Variants in TBC1D3B observed in about 807,000 individuals in gnomAD.
TBC1D3B encodes Rab GTPase-activating protein PRC17 duplicate.
A neutral mutation model predicts 27.1 loss-of-function variants in TBC1D3B; 2 were observed. The ratio of observed to expected loss-of-function variants is 0.07; its 90% CI spans 0.03 to 0.23. The LOEUF (loss-of-function observed/expected upper bound fraction) is 0.23. TBC1D3B is among the 10% of genes least tolerant of loss of function. The pLI, the probability that TBC1D3B is intolerant of heterozygous loss-of-function variation, is 1.00. For missense variants in TBC1D3B, 17 were observed against 401.3 expected, an observed-to-expected ratio of 0.04 and a Z score of 8.18; for synonymous variants, 3 against 150.1, an observed-to-expected ratio of 0.02 and a Z score of 7.16.
chr17:36,166,765 C>T (rs1476220690), intron 13 of TBC1D3B, among the ~76,000 whole-genome samples: 1 of 24,986 alleles, frequency 4.0e-5, no homozygotes, highest in African/African-American at 8.3e-5. Context: ...CGTGGCATGG[C>T]GGGTGGCTCC....
rs1415591995 is a variant in TBC1D3B, at chr17:36,165,816, G to T, written c.*179C>A. The T allele has an allele frequency of 2.0e-5, 19 of 961,412 alleles. No individual in the cohort carries two copies. The African/African-American group carries it at 2.7e-4, about 14-fold the overall frequency. 59.6% of individuals were successfully genotyped at this position (961,412 alleles called of 1,614,324 possible). A position where few individuals can be genotyped will look rare whatever the true frequency, so the allele number is the denominator to read the frequency against. ...GGGCTTGGGGTGCTGGGAGGGGCTG[G>T]GCATGGTTGGCTTTGTGATCTGGGG... On this transcript the variant is annotated 3_prime_UTR_variant, in exon 14 of 14. Coordinates refer to ENST00000611257, the MANE Select transcript of TBC1D3B (RefSeq NM_001001417.7).
intron 9 of TBC1D3B, among the ~76,000 whole-genome samples, chr17:36,169,486 C>T (rs1487797993): frequency 2.0e-5 from 3 of 150,082 alleles, no homozygotes; most frequent in African/African-American, 7.2e-5. Flanking sequence ...GTAGTGGGGT[C>T]GGGCCAGGGG....
At chr17:36,167,896 G>GC (rs2068285008) in intron 12 of TBC1D3B, among the ~76,000 whole-genome samples, 171 bp downstream of exon 12, 1 of 99,780 alleles carries the variant, frequency 1.0e-5, no homozygotes, top group South Asian at 3.2e-4. Flanking sequence ...TTTCATCTGG[G>GC]TCATGTGAGG....
chr17:36,165,861 G>T lies in TBC1D3B; in HGVS notation c.*134C>A. 2.1e-6 allele frequency: 2 copies of T among 953,912 alleles called. 1 individual carries two copies. The highest frequency in any genetic ancestry group is 3.2e-6 in the Non-Finnish European group (2 of 633,624). The allele number at this position is 953,912 out of a possible 1,614,324, so 59.1% of individuals were successfully genotyped here. ...CTGGGGTCTGGTGTGTTCCATCTCT[G>T]AATGTCTCTCAAGCTGCACTCTTTC... On this transcript the variant is annotated 3_prime_UTR_variant, in exon 14 of 14. Coordinates refer to ENST00000611257, the MANE Select transcript of TBC1D3B (RefSeq NM_001001417.7).
At chr17:36,168,322 G>A (rs1188233721) in intron 11 of TBC1D3B, among the ~76,000 whole-genome samples, 156 bp from the exon 12 acceptor site, 9 of 53,088 alleles carry the variant, frequency 1.7e-4, no homozygotes, top group African/African-American at 5.6e-4. Context: ...AGGTCTTGAA[G>A]CTCCTCATGG....
rs199813138 is a variant in TBC1D3B at position 36,165,796 on chromosome 17, T to G, written c.*199A>C. The G allele has an allele frequency of 0.21, 158,225 of 759,114 alleles. 35,016 individuals carry two copies. Among genetic ancestry groups the G allele is most frequent in the East Asian group, 0.25 (10,005 of 39,950 alleles). The allele number at this position is 759,114 out of a possible 1,614,324, so 47.0% of individuals were successfully genotyped here. On this transcript the variant is annotated 3_prime_UTR_variant, in exon 14 of 14. Transcript: ENST00000611257. ...AATTCAGAACGATGGTCGTGGGGCT[T>G]GGGGTGCTGGGAGGGGCTGGGCATG...
At chr17:36,171,507 T>C (rs1230715274) in intron 7 of TBC1D3B, among the ~76,000 whole-genome samples, 2 of 151,366 alleles carry the variant, frequency 1.3e-5, no homozygotes, top group Non-Finnish European at 3.0e-5. Flanking sequence ...GTGCTGTCAC[T>C]GTTGCCTGGG....
intron 7 of TBC1D3B, among the ~76,000 whole-genome samples, chr17:36,171,450 C>T (rs1024651833): frequency 2.6e-5 from 4 of 151,100 alleles, no homozygotes; most frequent in African/African-American, 4.8e-5. Flanking sequence ...ATGTTCCCAG[C>T]GGACCTGGAT....
Position 36,165,788 on chromosome 17 carries a change from G to A in TBC1D3B, c.*207C>T, listed in dbSNP as rs1449795053. 29 of 928,600 alleles carry A rather than the reference G, an allele frequency of 3.1e-5. No homozygotes were observed. Among genetic ancestry groups the A allele is most frequent in the African/African-American group, 1.1e-4 (8 of 70,012 alleles). 57.5% of individuals were successfully genotyped at this position (928,600 alleles called of 1,614,324 possible). On this transcript the variant is annotated 3_prime_UTR_variant, in exon 14 of 14. Transcript: ENST00000611257. ...GTCGTCAGAATTCAGAACGATGGTCGTGGGGCTTGGGGTGCTGGGAGGGGC... is the reference window on the plus strand; with the variant it reads ...GTCGTCAGAATTCAGAACGATGGTCATGGGGCTTGGGGTGCTGGGAGGGGC...
chr17:36,174,762 T>C lies in TBC1D3B; in HGVS notation c.127A>G (p.Asn43Asp). 2.8e-6 allele frequency: 1 copy of C among 353,936 alleles called. No homozygotes were observed. The highest frequency in any genetic ancestry group is 3.8e-5 in the East Asian group (1 of 26,584). The allele number at this position is 353,936 out of a possible 1,614,324, so 21.9% of individuals were successfully genotyped here. Reference protein sequence around the residue: ...DKGPKPFRSYNNNVDHLGIVH... With the variant: ...DKGPKPFRSYDNNVDHLGIVH... ...ATCCCCAAATGATCGACGTTGTTGT[T>C]GTAGCTTCGAAAAGGCTTAGGCCCC... is the stretch of plus-strand genomic sequence containing the variant. The change falls in exon 3 of 14, where the codon AAC (asparagine) becomes GAC (aspartate). Residue 43 changes from asparagine to aspartate, a missense_variant. Asn to Asp is a conservative substitution (Grantham distance 23, BLOSUM62 1). Transcript: ENST00000611257.
In TBC1D3B at chr17:36,168,502, T is replaced by C; in HGVS notation, c.828+128A>G. On this transcript the variant is annotated intron_variant, in intron 11 of 13. Coordinates refer to ENST00000611257, the MANE Select transcript of TBC1D3B (RefSeq NM_001001417.7). ...CTCCTCTTGGGCAGAGGGTTTTGCT[T>C]GTGTGTCCTTTGGGGACCCGCCTGA... The C allele has an allele frequency of 5.1e-6, 2 of 393,200 alleles. 1 individual carries two copies. Among genetic ancestry groups the C allele is most frequent in the Non-Finnish European group, 9.7e-6 (2 of 207,022 alleles). 24.4% of individuals were successfully genotyped at this position (393,200 alleles called of 1,614,324 possible). A position where few individuals can be genotyped will look rare whatever the true frequency, so the allele number is the denominator to read the frequency against.
intron 11 of TBC1D3B, among the ~76,000 whole-genome samples, 153 bp downstream of exon 11, chr17:36,168,477 C>T (rs1466121692): frequency 1.7e-5 from 1 of 59,652 alleles, no homozygotes; most frequent in African/African-American, 4.8e-5. Context: ...CCTGGGATGA[C>T]TCCTCTTGGG....
intron 1 of TBC1D3B, among the ~76,000 whole-genome samples, chr17:36,175,639 G>A (rs1439771322): frequency 6.2e-5 from 6 of 97,138 alleles, no homozygotes; most frequent in South Asian, 4.0e-4. Context: ...TCTATTGTAC[G>A]CATGGAAACC....
intron 9 of TBC1D3B, among the ~76,000 whole-genome samples, chr17:36,169,568 C>T (rs2068319256): frequency 6.8e-6 from 1 of 146,442 alleles, no homozygotes; most frequent in South Asian, 2.1e-4. Context: ...CAGCAGGAGC[C>T]CGGGCAGCTG....
At chr17:36,169,401 AG>A (rs2068313741) in intron 9 of TBC1D3B, among the ~76,000 whole-genome samples, 1 of 149,048 alleles carries the variant, frequency 6.7e-6, no homozygotes, top group South Asian at 2.1e-4. Context: ...GGGTGCAAAA[AG>A]GGCAAGCCTG....
rs1453693678 is a variant in TBC1D3B, at chr17:36,169,481, G to A, written c.668-307C>T. On this transcript the variant is annotated intron_variant, in intron 9 of 13. Coordinates refer to ENST00000611257, the MANE Select transcript of TBC1D3B (RefSeq NM_001001417.7). ...GGCTTCCCGGTCATCTCCTGGTAGT[G>A]GGGTCGGGCCAGGGGAACAGGGGAT... 8.0e-3 allele frequency among the ~76,000 whole-genome samples: 1,192 copies of A among 149,354 alleles called. 24 individuals carry two copies. Among genetic ancestry groups the A allele is most frequent in the South Asian group, 0.055 (251 of 4,562 alleles).
At chr17:36,171,795 GC>G (rs1382573047) in intron 7 of TBC1D3B, 59 bp downstream of exon 7, 2 of 711,922 alleles carry the variant, frequency 2.8e-6, no homozygotes, top group Non-Finnish European at 5.2e-6. Context: ...CTCCGGGGAA[GC>G]CCCCATCCCT....
intron 7 of TBC1D3B, among the ~76,000 whole-genome samples, chr17:36,171,025 G>A (rs2068342721): frequency 6.2e-5 from 7 of 113,736 alleles, no homozygotes; most frequent in African/African-American, 1.9e-4. Flanking sequence ...TCAGCCCCTG[G>A]CCACCCAGAC....
At chr17:36,171,584 G>A (rs1166042571) in intron 7 of TBC1D3B, among the ~76,000 whole-genome samples, 1 of 149,888 alleles carries the variant, frequency 6.7e-6, no homozygotes, top group Non-Finnish European at 1.5e-5. Flanking sequence ...ATGGGTCAGG[G>A]AGAGCACCCT....
Sources: gnomAD v4.1 joint callset for allele counts (sites outside exome capture counted in the v4.1 genomes callset) on GRCh38, gnomAD v4.1.1 for gene constraint, MANE v1.5 for transcripts, NCBI Gene and HGNC (gene_info 2026-07-23, HGNC 2026-07-21) for gene names.